The following ANK3 variants were observed in gnomAD, a reference collection of about 807,000 sequenced individuals.
The protein encoded by ANK3 is ankyrin 3, also known as ankyrin-3.
Under a neutral mutation model 370.9 loss-of-function variants are expected in ANK3, and 57 were observed. The observed-to-expected ratio is 0.15, with a 90% confidence interval of 0.12 to 0.19. The LOEUF (loss-of-function observed/expected upper bound fraction) is 0.19, where lower values mean the gene tolerates loss of function less well. Ranked by LOEUF, ANK3 falls within the 10% of genes least tolerant of loss-of-function variation. The probability of loss-of-function intolerance (pLI) is 1.00; values close to 1 mark genes in which losing one functional copy is unlikely to be tolerated. For synonymous variants in ANK3, 1,929 were observed against 1,946.3 expected, an observed-to-expected ratio of 0.99 and a Z score of 0.23; for missense variants, 4,439 against 5,302.1, an observed-to-expected ratio of 0.84 and a Z score of 5.06.
chr10:60,597,176 CCAAAAGCTCATCTCAGAAATGTCTATCA>C (rs1331003134), intron 2 of ANK3, among the ~76,000 whole-genome samples: 3 of 152,092 alleles, frequency 2.0e-5, no homozygotes, highest in African/African-American at 7.2e-5. Context: ...AGACTACAAA[CCAAAAGCTCATCTCAGAAATGTCTATCA>C]ATATTTAGCC....
At chr10:60,572,693 C>G in intron 2 of ANK3, 1 of 1,425,828 alleles carries the variant, frequency 7.0e-7, no homozygotes, top group East Asian at 2.5e-5. Context: ...GTCAGAGAGA[C>G]GCGGGCTGCT....
At chr10:60,691,634 C>A (rs568566800) in intron 1 of ANK3, among the ~76,000 whole-genome samples, 1 of 152,236 alleles carries the variant, frequency 6.6e-6, no homozygotes, top group Non-Finnish European at 1.5e-5. Context: ...GACCTTTTTC[C>A]CAGCCAAAAT....
intron 2 of ANK3, among the ~76,000 whole-genome samples, chr10:60,556,426 C>T (rs1374716825): frequency 2.0e-5 from 3 of 152,084 alleles, no homozygotes; most frequent in East Asian, 1.9e-4. Context: ...AAAGTTTATA[C>T]TTCAATTACA....
At chr10:60,119,986 A>G (rs1463189639) in intron 25 of ANK3, among the ~76,000 whole-genome samples, 2 of 152,200 alleles carry the variant, frequency 1.3e-5, no homozygotes, top group African/African-American at 2.4e-5. Context: ...TGGAACTACA[A>G]AAGACTCAGA....
At chr10:60,692,915 T>C (rs1411704676) in intron 1 of ANK3, among the ~76,000 whole-genome samples, 1 of 152,238 alleles carries the variant, frequency 6.6e-6, no homozygotes, top group Non-Finnish European at 1.5e-5. Context: ...ATTATTTTAT[T>C]ACCACTTATT....
intron 1 of ANK3, among the ~76,000 whole-genome samples, chr10:60,620,404 T>G (rs929799250): frequency 6.6e-6 from 1 of 152,174 alleles, no homozygotes; most frequent in Non-Finnish European, 1.5e-5. Flanking sequence ...CATTATCTTA[T>G]CTAATCCTTA....
chr10:60,595,239 G>A (rs2077970968), intron 2 of ANK3, among the ~76,000 whole-genome samples: 1 of 152,094 alleles, frequency 6.6e-6, no homozygotes, highest in Non-Finnish European at 1.5e-5. Context: ...AATAGTGAAA[G>A]TTTAGTACAT....
At chr10:60,667,216 TATTA>T (rs551590461) in intron 1 of ANK3, among the ~76,000 whole-genome samples, 1 of 105,912 alleles carries the variant, frequency 9.4e-6, no homozygotes, top group Non-Finnish European at 2.0e-5. Context: ...TATTATATTA[TATTA>T]ATTATATTGA....
rs185640819 is a variant in ANK3 at position 60,313,934 on chromosome 10, T to G, written c.115-34295A>C. On this transcript the variant is annotated intron_variant, in intron 1 of 43. Coordinates refer to ENST00000280772, the MANE Select transcript of ANK3 (RefSeq NM_020987.5). ...CTGCCTCTGTTTTGTTTTTGTTTTT[T>G]TTTTTTTTGCTTACTGGCTCTTATC... Among the ~76,000 whole-genome samples the G allele has an allele frequency of 4.4e-4, 66 of 151,536 alleles. No individual in the cohort carries two copies. The East Asian group carries it at 9.1e-3, about 21-fold the overall frequency.
chr10:60,108,539 A>G (rs760865271), intron 27 of ANK3, among the ~76,000 whole-genome samples: 1 of 152,140 alleles, frequency 6.6e-6, no homozygotes, highest in Non-Finnish European at 1.5e-5. Context: ...TTTTTTCCCT[A>G]GAATGGTGCC....
At chr10:60,326,079 A>G (rs1416926449) in intron 1 of ANK3, among the ~76,000 whole-genome samples, 2 of 152,166 alleles carry the variant, frequency 1.3e-5, no homozygotes, top group Admixed American at 1.3e-4. Flanking sequence ...CTAAATAAAG[A>G]GAACACATAG....
intron 1 of ANK3, among the ~76,000 whole-genome samples, chr10:60,705,828 T>C (rs1904420): frequency 0.22 from 24,919 of 115,234 alleles, 2,240 homozygotes; most frequent in South Asian, 0.37. Flanking sequence ...TTCTTTCTTT[T>C]TTTTTTTTTT....
chr10:60,494,671 A>G (rs2075608073), intron 2 of ANK3, among the ~76,000 whole-genome samples: 1 of 152,056 alleles, frequency 6.6e-6, no homozygotes, highest in Non-Finnish European at 1.5e-5. Context: ...GACCAGTTTT[A>G]TTTTTTATTA....
chr10:60,461,378 A>G (rs1002520001), intron 2 of ANK3, among the ~76,000 whole-genome samples: 2 of 152,222 alleles, frequency 1.3e-5, no homozygotes, highest in African/African-American at 4.8e-5. Flanking sequence ...AGTTATTAAA[A>G]TAGTCACCCT....
intron 28 of ANK3, among the ~76,000 whole-genome samples, chr10:60,102,702 G>A (rs1024051743): frequency 2.6e-5 from 4 of 152,140 alleles, no homozygotes; most frequent in Non-Finnish European, 5.9e-5. Flanking sequence ...TAATAAATCA[G>A]AATATTTGCT....
At chr10:60,150,614 C>T (rs944048195) in intron 23 of ANK3, among the ~76,000 whole-genome samples, 3 of 151,928 alleles carry the variant, frequency 2.0e-5, no homozygotes, top group East Asian at 1.9e-4. Context: ...GGCTGGATGC[C>T]CTCCTTGTTG....
At chr10:60,663,257 C>T (rs16915308) in intron 1 of ANK3, among the ~76,000 whole-genome samples, 7,930 of 152,218 alleles carry the variant, frequency 0.052, 281 homozygotes, top group African/African-American at 0.086. Flanking sequence ...GGGAAAGGGC[C>T]ACTGATTTTT....
intron 1 of ANK3, among the ~76,000 whole-genome samples, chr10:60,658,581 G>A (rs1350939216): frequency 6.6e-6 from 1 of 152,072 alleles, no homozygotes; most frequent in African/African-American, 2.4e-5. Flanking sequence ...AGCGATTATA[G>A]CTTTCGTATT....
Position 60,692,928 on chromosome 10 carries a change from G to A in ANK3, c.57+40335C>T, listed in dbSNP as rs369549216. Among the ~76,000 whole-genome samples the A allele has an allele frequency of 4.3e-4, 66 of 152,292 alleles. 1 individual carries two copies. In the South Asian group the frequency reaches 0.013, roughly 30 times the overall value. ...AAATTATTTTATTACCACTTATTAG[G>A]CATGTGATGTAGGCTTCTTAAGATT... On this transcript the variant is annotated intron_variant, in intron 1 of 43. Transcript: ENST00000373827.
Sources: gnomAD v4.1 joint callset for allele counts (sites outside exome capture counted in the v4.1 genomes callset) on GRCh38, gnomAD v4.1.1 for gene constraint, MANE v1.5 for transcripts, NCBI Gene and HGNC (gene_info 2026-07-23, HGNC 2026-07-21) for gene names.